Variants in PDE1C observed in about 807,000 individuals in gnomAD.
PDE1C encodes the protein phosphodiesterase 1C.
In PDE1C, 62 loss-of-function variants were observed where a neutral mutation model predicts 93.1. That is an observed-to-expected ratio of 0.67 (90% confidence interval 0.54 to 0.82). PDE1C has a LOEUF of 0.82. Among genes scored for constraint, PDE1C ranks in the 40% least tolerant of loss-of-function variants. PDE1C has a pLI of 0.00. For missense variants in PDE1C, 742 were observed against 884.6 expected (o/e 0.84, Z 2.04); for synonymous variants, 325 against 310.1 (o/e 1.05, Z -0.50).
chr7:32,241,550 A>G (rs1045886148), intron 1 of PDE1C, among the ~76,000 whole-genome samples: 3 of 151,754 alleles, frequency 2.0e-5, no homozygotes, highest in South Asian at 2.1e-4. Flanking sequence ...GTCTCCATGT[A>G]AAAAAAAATT....
chr7:31,629,576 A>T, the PDE1C span, among the ~76,000 whole-genome samples: 1 of 152,350 alleles, frequency 6.6e-6, no homozygotes, highest in Non-Finnish European at 1.5e-5. Context: ...AGAAAATGAT[A>T]TGAAAAGATG....
rs113299662 is a variant in PDE1C, at chr7:32,373,300, C to T, written c.310+54522G>A. 2.1e-3 allele frequency among the ~76,000 whole-genome samples: 321 copies of T among 152,332 alleles called. 4 individuals carry two copies. Among genetic ancestry groups the T allele is most frequent in the East Asian group, 0.012 (64 of 5,192 alleles). ...GCCACAAAAAGGAATGGAGTACTGA[C>T]TGATACATGCTACAATGTGGACGAA... On this transcript the variant is annotated intron_variant, in intron 1 of 1. Transcript: ENST00000672256.
At chr7:31,624,232 A>G in the PDE1C span, among the ~76,000 whole-genome samples, 1 of 146,410 alleles carries the variant, frequency 6.8e-6, no homozygotes, top group Non-Finnish European at 1.5e-5. Flanking sequence ...ATCCCCATCA[A>G]GCTACCAATG....
rs1562913393 is a variant in PDE1C at position 31,848,030 on chromosome 7, A to G, written c.918T>C (p.Tyr306=). 8 of 1,613,114 alleles carry G rather than the reference A, an allele frequency of 5.0e-6. No individual in the cohort carries two copies. The highest frequency in any genetic ancestry group is 6.8e-6 in the Non-Finnish European group (8 of 1,179,422). Residue 306 remains tyrosine, a synonymous_variant, in exon 9 of 18, where the codon TAT becomes TAC. Transcript: ENST00000396191. ...TTTCCTCGTCATCTTGCAGAAGGCG[A>G]TAAGCTGCACTTAAATGGTGATTCT... ...VLENHHLSAA[Y]RLLQDDEEMN...
chr7:31,927,275 A>T (rs1278157078), intron 2 of PDE1C, among the ~76,000 whole-genome samples: 1 of 152,226 alleles, frequency 6.6e-6, no homozygotes, highest in East Asian at 1.9e-4. Context: ...GACATCTCTG[A>T]AAGAAAGGCG....
chr7:32,145,080 T>C (rs1800755370), intron 3 of PDE1C, among the ~76,000 whole-genome samples: 1 of 152,234 alleles, frequency 6.6e-6, no homozygotes, highest in Admixed American at 6.5e-5. Context: ...AGCACAGATG[T>C]TGTCGGCAAT....
the PDE1C span, among the ~76,000 whole-genome samples, chr7:31,695,135 A>G: frequency 7.7e-6 from 1 of 129,288 alleles, no homozygotes. Flanking sequence ...CGCGTTTAGC[A>G]GAGAGAACCT....
At chr7:31,618,937 C>G in the PDE1C span, among the ~76,000 whole-genome samples, 1 of 152,146 alleles carries the variant, frequency 6.6e-6, no homozygotes, top group Non-Finnish European at 1.5e-5. Context: ...TCATATGTGT[C>G]GAGAGAGTAG....
At chr7:32,111,722 G>A (rs1213142455) in intron 3 of PDE1C, among the ~76,000 whole-genome samples, 1 of 152,160 alleles carries the variant, frequency 6.6e-6, no homozygotes, top group Non-Finnish European at 1.5e-5. Flanking sequence ...AAATGCTGAA[G>A]GTGTACCCCT....
At chr7:31,694,377 CT>C in the PDE1C span, among the ~76,000 whole-genome samples, 4 of 147,392 alleles carry the variant, frequency 2.7e-5, no homozygotes, top group Non-Finnish European at 5.9e-5. Flanking sequence ...AGCTCTCTCT[CT>C]CTCTCTCAAA....
chr7:32,234,927 T>G (rs1807963861), intron 1 of PDE1C, among the ~76,000 whole-genome samples: 1 of 152,030 alleles, frequency 6.6e-6, no homozygotes, highest in Non-Finnish European at 1.5e-5. Context: ...GGGTTTATGC[T>G]TGGAATGCAA....
chr7:32,062,423 T>C (rs1024329919), intron 1 of PDE1C, among the ~76,000 whole-genome samples: 2 of 152,206 alleles, frequency 1.3e-5, no homozygotes, highest in Admixed American at 6.5e-5. Context: ...CACTTGGCCT[T>C]CTTTCATTTT....
intron 3 of PDE1C, among the ~76,000 whole-genome samples, chr7:32,116,570 G>C (rs1798996746): frequency 6.6e-6 from 1 of 152,108 alleles, no homozygotes; most frequent in Admixed American, 6.6e-5. Flanking sequence ...AAAAGAGAAG[G>C]TGCCAGAATT....
intron 2 of PDE1C, among the ~76,000 whole-genome samples, chr7:32,207,355 C>CAAAA (rs568631714): frequency 9.1e-6 from 1 of 110,024 alleles, no homozygotes; most frequent in Non-Finnish European, 1.9e-5. Context: ...CTTCCAGTCT[C>CAAAA]AAAAAAAAAA....
chr7:32,199,378 C>T (rs1267369588), intron 2 of PDE1C, among the ~76,000 whole-genome samples: 2 of 151,908 alleles, frequency 1.3e-5, no homozygotes, highest in Non-Finnish European at 2.9e-5. Flanking sequence ...CTATTTTGTC[C>T]ATATTCTCTC....
At chr7:32,339,240 G>T (rs568067108) in intron 1 of PDE1C, among the ~76,000 whole-genome samples, 1 of 152,100 alleles carries the variant, frequency 6.6e-6, no homozygotes, top group South Asian at 2.1e-4. Context: ...AAAATTTTTA[G>T]GTTTAAAAAA....
chr7:31,961,030 A>G (rs1808862082), intron 2 of PDE1C, among the ~76,000 whole-genome samples: 1 of 152,086 alleles, frequency 6.6e-6, no homozygotes, highest in South Asian at 2.1e-4. Context: ...GCCACCCTCT[A>G]AAGAAATAGT....
At chr7:31,745,438 A>T in the PDE1C span, among the ~76,000 whole-genome samples, 1 of 152,196 alleles carries the variant, frequency 6.6e-6, no homozygotes, top group Non-Finnish European at 1.5e-5. Context: ...GCTCTCCAGG[A>T]AATGATAATA....
intron 1 of PDE1C, among the ~76,000 whole-genome samples, chr7:32,251,077 G>A (rs548074837): frequency 9.8e-5 from 15 of 152,328 alleles, no homozygotes; most frequent in African/African-American, 2.9e-4. Flanking sequence ...AAGCACAAGC[G>A]CGCGTGCGCA....
Sources: allele counts gnomAD v4.1 joint callset (sites outside exome capture counted in the v4.1 genomes callset), GRCh38; gene constraint gnomAD v4.1.1; transcripts MANE v1.5; gene names NCBI Gene and HGNC (gene_info 2026-07-23, HGNC 2026-07-21).